Variants in MAP3K5 observed in about 807,000 individuals in gnomAD.
MAP3K5 encodes the protein ASK-1.
In MAP3K5, 56 loss-of-function variants were observed where a neutral mutation model predicts 158.7. The ratio of observed to expected loss-of-function variants is 0.35; its 90% CI spans 0.28 to 0.44. The LOEUF (loss-of-function observed/expected upper bound fraction) is 0.44, where lower values mean the gene tolerates loss of function less well. Ranked by LOEUF, MAP3K5 falls within the 20% of genes least tolerant of loss-of-function variation. MAP3K5 has a pLI of 1.00. For synonymous variants in MAP3K5, 579 were observed against 601.7 expected, an observed-to-expected ratio of 0.96 and a Z score of 0.55; for missense variants, 1,294 against 1,674.8, an observed-to-expected ratio of 0.77 and a Z score of 3.97.
chr6:136,756,487 C>T (rs1328361643), intron 1 of MAP3K5, among the ~76,000 whole-genome samples: 2 of 152,172 alleles, frequency 1.3e-5, no homozygotes, highest in East Asian at 3.9e-4. Flanking sequence ...CTCTCACTGT[C>T]GCCCAGGCTG....
intron 10 of MAP3K5, chr6:136,656,094 G>T (rs1778732866): frequency 1.2e-5 from 6 of 503,986 alleles, no homozygotes; most frequent in Admixed American, 3.5e-5. Context: ...AAATTCCATG[G>T]CAAAAACATA....
chr6:136,696,199 T>C, intron 5 of MAP3K5, 142 bp from the exon 6 acceptor site: 2 of 566,412 alleles, frequency 3.5e-6, no homozygotes, highest in Admixed American at 6.8e-5. Flanking sequence ...TTGAAGAACC[T>C]AGAATAAACA....
In MAP3K5 at chr6:136,557,747, T is replaced by C; in HGVS notation, c.*11A>G. ...TTTAGAATTTCCATCGAAGATTAGA[T>C]TGAGCAACAGTCAAGTCTGTTTGTT... On this transcript the variant is annotated 3_prime_UTR_variant, in exon 30 of 30. Coordinates refer to ENST00000359015, the MANE Select transcript of MAP3K5 (RefSeq NM_005923.4). 3.1e-6 allele frequency: 5 copies of C among 1,599,898 alleles called. No homozygotes were observed. The highest frequency in any genetic ancestry group is 1.1e-5 in the South Asian group (1 of 90,750).
At chr6:136,768,208 G>A (rs1056634383) in intron 1 of MAP3K5, among the ~76,000 whole-genome samples, 4 of 152,000 alleles carry the variant, frequency 2.6e-5, no homozygotes, top group Admixed American at 1.3e-4. Context: ...AGATAAATAC[G>A]GACTTCATCC....
intron 18 of MAP3K5, 31 bp downstream of exon 18, chr6:136,611,251 T>A: frequency 7.4e-7 from 1 of 1,349,820 alleles, no homozygotes; most frequent in Non-Finnish European, 1.1e-6. Context: ...TTTAATTACA[T>A]AAGATCTGTA....
chr6:136,780,070 CA>C (rs1426291313), intron 1 of MAP3K5, among the ~76,000 whole-genome samples: 2 of 152,150 alleles, frequency 1.3e-5, no homozygotes, highest in African/African-American at 4.8e-5. Context: ...TGGAAAAGGT[CA>C]AAAGGTACTG....
chr6:136,595,358 G>C (rs1310960358), intron 21 of MAP3K5, among the ~76,000 whole-genome samples: 4 of 152,150 alleles, frequency 2.6e-5, no homozygotes, highest in Non-Finnish European at 5.9e-5. Context: ...ACCTGCTTCG[G>C]CCTCCCAAAG....
At chr6:136,773,687 A>G (rs571753308) in intron 1 of MAP3K5, among the ~76,000 whole-genome samples, 2 of 152,060 alleles carry the variant, frequency 1.3e-5, no homozygotes, top group South Asian at 4.2e-4. Flanking sequence ...TGGCTGTTTC[A>G]CCCAGGCTGG....
intron 1 of MAP3K5, among the ~76,000 whole-genome samples, chr6:136,780,968 C>T (rs566409386): frequency 3.9e-5 from 6 of 152,130 alleles, no homozygotes; most frequent in Non-Finnish European, 7.4e-5. Context: ...TCTTCTGCTT[C>T]TTAGTTCTTC....
In MAP3K5 at chr6:136,613,664, T is replaced by C. The variant is rs1776438136; in HGVS notation, c.2279-408A>G. Among the ~76,000 whole-genome samples, 5 of 152,206 alleles carry C rather than the reference T, an allele frequency of 3.3e-5. No individual in the cohort carries two copies. The South Asian group carries it at 1.0e-3, about 32-fold the overall frequency. ...GTTGTAACTTCTGATTCTGCGATTATAGGCTAAATCTCTTCCGCATTTTTG... is the reference window on the plus strand; with the variant it reads ...GTTGTAACTTCTGATTCTGCGATTACAGGCTAAATCTCTTCCGCATTTTTG... On this transcript the variant is annotated intron_variant, in intron 16 of 29. Transcript: ENST00000359015. The surrounding 1 kb of genome is among the most constrained non-coding windows in gnomAD (Gnocchi z 4.0).
intron 1 of MAP3K5, among the ~76,000 whole-genome samples, chr6:136,788,725 G>A (rs1784945760): frequency 6.6e-6 from 1 of 152,142 alleles, no homozygotes; most frequent in Admixed American, 6.5e-5. Context: ...AGTCAGAATG[G>A]CTTTTGTTAA....
rs370209218 is a variant in MAP3K5 at position 136,567,798 on chromosome 6, A to G, written c.3594T>C (p.His1198=). The G allele has an allele frequency of 2.5e-6, 4 of 1,614,066 alleles. No homozygotes were observed. The highest frequency in any genetic ancestry group is 2.7e-5 in the African/African-American group (2 of 75,040). The change falls in exon 26 of 30, where the codon CAT becomes CAC. Residue 1198 remains histidine, a synonymous_variant. Coordinates refer to ENST00000359015, the MANE Select transcript of MAP3K5 (RefSeq NM_005923.4). ...CAGTTTGATTTGAAGGCTGTTCCTCATGGTCATCTTCTACATCCAAGTCTT... is the reference window on the plus strand; with the variant it reads ...CAGTTTGATTTGAAGGCTGTTCCTCGTGGTCATCTTCTACATCCAAGTCTT... ...DQEDLDVEDD[H]EEQPSNQTVR...
chr6:136,585,310 G>C (rs1025537554), intron 23 of MAP3K5, among the ~76,000 whole-genome samples: 1 of 150,996 alleles, frequency 6.6e-6, no homozygotes, highest in Non-Finnish European at 1.5e-5. Flanking sequence ...TAGAGACTGG[G>C]TTTTGCTAAG....
intron 8 of MAP3K5, among the ~76,000 whole-genome samples, chr6:136,660,148 G>C (rs934635862): frequency 6.6e-6 from 1 of 152,048 alleles, no homozygotes; most frequent in Non-Finnish European, 1.5e-5. Flanking sequence ...CCTTTTTTAC[G>C]CTGAAATTCT....
chr6:136,733,314 C>T (rs1235777065), intron 1 of MAP3K5, among the ~76,000 whole-genome samples: 10 of 152,114 alleles, frequency 6.6e-5, no homozygotes, highest in Admixed American at 2.0e-4. Context: ...ACACAGCATT[C>T]GATGATGGTT....
chr6:136,560,120 A>C (rs1046203054), intron 28 of MAP3K5, among the ~76,000 whole-genome samples: 3 of 152,240 alleles, frequency 2.0e-5, no homozygotes, highest in African/African-American at 4.8e-5. Flanking sequence ...CAAATATTAC[A>C]ATGTTTTAAT....
chr6:136,642,504 T>C lies in MAP3K5; in HGVS notation c.1838+16A>G, dbSNP rs1157805339. The C allele has an allele frequency of 1.3e-6, 2 of 1,588,024 alleles. No homozygotes were observed. The highest frequency in any genetic ancestry group is 1.7e-5 in the Admixed American group (1 of 59,768). ...AAATGTCTTATAAGTTAACAAAATG[T>C]ACCAAGGAAACTTACCTCACTCCCC... On this transcript the variant is annotated intron_variant, in intron 12 of 29. Transcript: ENST00000359015.
At chr6:136,657,697 A>G (rs1206056045) in intron 9 of MAP3K5, among the ~76,000 whole-genome samples, 1 of 152,212 alleles carries the variant, frequency 6.6e-6, no homozygotes, top group East Asian at 1.9e-4. Flanking sequence ...AACACTAAAG[A>G]AGGGACTTGG....
At chr6:136,695,748 G>A (rs771343546) in intron 6 of MAP3K5, among the ~76,000 whole-genome samples, 5 of 152,168 alleles carry the variant, frequency 3.3e-5, no homozygotes, top group Non-Finnish European at 7.3e-5. Flanking sequence ...CCAACAGTGT[G>A]CGACTTTTTT....
Sources: allele counts gnomAD v4.1 joint callset (sites outside exome capture counted in the v4.1 genomes callset), GRCh38; gene constraint gnomAD v4.1.1; non-coding constraint Gnocchi (gnomAD v3.1); transcripts MANE v1.5; gene names NCBI Gene and HGNC (gene_info 2026-07-23, HGNC 2026-07-21).